Variants in LRRC49 observed in about 807,000 individuals in gnomAD.
LRRC49 encodes leucine-rich repeat-containing protein 49.
A neutral mutation model predicts 83.3 loss-of-function variants in LRRC49; 50 were observed. The observed-to-expected ratio is 0.60, with a 90% CI of 0.48 to 0.76. The LOEUF (loss-of-function observed/expected upper bound fraction) is 0.76. Ranked by LOEUF, LRRC49 falls within the 30% of genes least tolerant of loss-of-function variation. The pLI is 0.00. For missense variants in LRRC49, 704 were observed against 809.1 expected, an observed-to-expected ratio of 0.87 and a Z score of 1.58; for synonymous variants, 286 against 283.3, an observed-to-expected ratio of 1.01 and a Z score of -0.10.
rs1311585586 is a variant in LRRC49 at position 71,052,142 on chromosome 15, G to T, written c.*2530G>T. On this transcript the variant is annotated 3_prime_UTR_variant, in exon 16 of 16. Coordinates refer to ENST00000260382, the MANE Select transcript of LRRC49 (RefSeq NM_017691.5). The stretch of plus-strand genomic sequence containing the variant: ...ATCAAGTGAGGGTCCTATGTTGTAA[G>T]TGAGTGGTGATCTAGGGAACAAATT... The T allele has an allele frequency of 1.3e-4, 20 of 152,198 alleles. No homozygotes were observed. Among genetic ancestry groups the T allele is most frequent in the Admixed American group, 1.3e-3 (20 of 15,270 alleles). The allele number at this position is 152,198 out of a possible 1,614,324, so 9.4% of individuals were successfully genotyped here.
chr15:70,938,069 C>T (rs906016283), intron 8 of LRRC49, among the ~76,000 whole-genome samples: 2 of 152,020 alleles, frequency 1.3e-5, no homozygotes, highest in African/African-American at 2.4e-5. Flanking sequence ...TTAGATTCCC[C>T]CAACCTGTGG....
chr15:71,002,048 T>C (rs2038278106), intron 11 of LRRC49, among the ~76,000 whole-genome samples: 1 of 152,206 alleles, frequency 6.6e-6, no homozygotes. Flanking sequence ...CATTAGAGGT[T>C]ATATTTCTAC....
chr15:70,876,510 G>T (rs1318304693), intron 2 of LRRC49, among the ~76,000 whole-genome samples: 2 of 152,132 alleles, frequency 1.3e-5, no homozygotes, highest in African/African-American at 2.4e-5. Context: ...TTCAGAGAGG[G>T]TGAGGGTAGG....
intron 11 of LRRC49, among the ~76,000 whole-genome samples, chr15:71,004,841 A>G (rs1209732601): frequency 6.6e-6 from 1 of 152,154 alleles, no homozygotes; most frequent in Non-Finnish European, 1.5e-5. Context: ...CAGGAGCTAA[A>G]TGATGAGAAC....
At chr15:71,042,460 T>C (rs576200637) in intron 15 of LRRC49, among the ~76,000 whole-genome samples, 1 of 152,134 alleles carries the variant, frequency 6.6e-6, no homozygotes, top group Non-Finnish European at 1.5e-5. Context: ...AATCTAACAA[T>C]CAGGAGATGT....
chr15:71,029,652 T>C (rs1203631366), intron 14 of LRRC49, among the ~76,000 whole-genome samples: 2 of 152,008 alleles, frequency 1.3e-5, no homozygotes, highest in Non-Finnish European at 2.9e-5. Context: ...TGTGTGGGAG[T>C]CTAAGTCCCT....
chr15:71,000,553 A>G (rs2038221002), intron 11 of LRRC49, among the ~76,000 whole-genome samples: 1 of 152,188 alleles, frequency 6.6e-6, no homozygotes, highest in Admixed American at 6.5e-5. Context: ...ATCAAATTCA[A>G]ATGGACCCCT....
At chr15:70,941,732 C>CA (rs1213156797) in intron 8 of LRRC49, among the ~76,000 whole-genome samples, 2 of 152,042 alleles carry the variant, frequency 1.3e-5, no homozygotes, top group African/African-American at 4.8e-5. Context: ...GCTGTAAGTA[C>CA]AAAAATACAT....
chr15:70,960,345 G>A (rs913035309), intron 8 of LRRC49, among the ~76,000 whole-genome samples: 1 of 152,100 alleles, frequency 6.6e-6, no homozygotes, highest in African/African-American at 2.4e-5. Context: ...AAAATCTTGG[G>A]TTTATATGTG....
intron 6 of LRRC49, among the ~76,000 whole-genome samples, chr15:70,916,292 A>T (rs533817185): frequency 2.0e-5 from 3 of 151,778 alleles, no homozygotes; most frequent in Non-Finnish European, 4.4e-5. Context: ...CTGATTATTT[A>T]TTATTATTAT....
At chr15:70,967,286 T>A (rs937494993) in intron 9 of LRRC49, among the ~76,000 whole-genome samples, 4 of 152,088 alleles carry the variant, frequency 2.6e-5, no homozygotes, top group African/African-American at 9.7e-5. Flanking sequence ...TAGATTTTTG[T>A]CTTGGACATA....
At chr15:71,046,191 T>G (rs747756102) in intron 15 of LRRC49, among the ~76,000 whole-genome samples, 12 of 152,364 alleles carry the variant, frequency 7.9e-5, no homozygotes, top group Middle Eastern at 3.4e-3. Context: ...TAGAATGATT[T>G]ATTTTCTTTG....
At chr15:70,880,175 G>C (rs1255520265) in intron 2 of LRRC49, among the ~76,000 whole-genome samples, 1 of 152,212 alleles carries the variant, frequency 6.6e-6, no homozygotes, top group East Asian at 1.9e-4. Context: ...CCAGGTCTCT[G>C]ATCATATATG....
chr15:70,918,173 CTG>C (rs1412763809), intron 6 of LRRC49: 1 of 152,472 alleles, frequency 6.6e-6, no homozygotes, highest in Admixed American at 6.5e-5. Flanking sequence ...GCATGTCTGA[CTG>C]TGCACAGTGG....
intron 5 of LRRC49, among the ~76,000 whole-genome samples, chr15:70,909,059 A>G (rs571702217): frequency 1.4e-4 from 21 of 152,316 alleles, no homozygotes; most frequent in Admixed American, 1.4e-3. Flanking sequence ...ACTGCACATG[A>G]TGGTTTCTCT....
At position 71,001,423 on chromosome 15, in the gene LRRC49, T is replaced by C. The variant is rs78327351; in HGVS notation, c.1170-6956T>C. On this transcript the variant is annotated intron_variant, in intron 11 of 15. Transcript: ENST00000260382. The stretch of plus-strand genomic sequence containing the variant: ...CATCCTCCATCATACTTACTGTTAG[T>C]TGCTTTCCAGAGTTCCACTGAGCAA... Among the ~76,000 whole-genome samples, 1,108 of 152,296 alleles carry C rather than the reference T, an allele frequency of 7.3e-3. 13 individuals carry two copies. The highest frequency in any genetic ancestry group is 0.025 in the African/African-American group (1,058 of 41,552).
intron 9 of LRRC49, among the ~76,000 whole-genome samples, chr15:70,967,053 A>G (rs1289048681): frequency 6.6e-6 from 1 of 152,138 alleles, no homozygotes; most frequent in Non-Finnish European, 1.5e-5. Flanking sequence ...GGAGAAAATA[A>G]TTGACTCAAG....
intron 8 of LRRC49, among the ~76,000 whole-genome samples, chr15:70,949,835 G>A (rs780550235): frequency 6.6e-6 from 1 of 151,554 alleles, no homozygotes; most frequent in Non-Finnish European, 1.5e-5. Context: ...TTTTAAGTTC[G>A]GGGCTACATA....
At chr15:70,944,127 G>T (rs934408454) in intron 8 of LRRC49, among the ~76,000 whole-genome samples, 1 of 152,074 alleles carries the variant, frequency 6.6e-6, no homozygotes, top group Admixed American at 6.5e-5. Context: ...CATGTATGAG[G>T]AGGGGCCTCT....
Sources: allele counts gnomAD v4.1 joint callset (sites outside exome capture counted in the v4.1 genomes callset), GRCh38; gene constraint gnomAD v4.1.1; transcripts MANE v1.5; gene names NCBI Gene and HGNC (gene_info 2026-07-23, HGNC 2026-07-21).